SPATA17: variants seen among roughly 807,000 people sequenced by gnomAD.
SPATA17 encodes the protein spermatogenesis associated 17.
In SPATA17, 53 loss-of-function variants were observed where a neutral mutation model predicts 62.2. The ratio of observed to expected loss-of-function variants is 0.85; its 90% CI spans 0.68 to 1.07. The LOEUF is 1.07. Ranked by LOEUF, SPATA17 falls within the 50% of genes least tolerant of loss-of-function variation. The probability of loss-of-function intolerance (pLI) is 0.00; values close to 1 mark genes in which losing one functional copy is unlikely to be tolerated. For missense variants in SPATA17, 466 were observed against 425.5 expected (o/e 1.10, Z -0.84); for synonymous variants, 146 against 146.8 (o/e 0.99, Z 0.04).
rs550816350 is a variant in SPATA17, at chr1:217,771,928, A to C, written c.520-2406A>C. Reference sequence around the variant, plus strand: ...GGTAGGTAGATATTTTCAAATGATAAATTTTAATCTAGCTAAATTGTATGT... The same window carrying C: ...GGTAGGTAGATATTTTCAAATGATACATTTTAATCTAGCTAAATTGTATGT... On this transcript the variant is annotated intron_variant, in intron 6 of 10. Transcript: ENST00000366933. 2.0e-4 allele frequency among the ~76,000 whole-genome samples: 31 copies of C among 152,268 alleles called. 2 individuals carry two copies. The highest frequency in any genetic ancestry group is 3.4e-3 in the Middle Eastern group (1 of 294).
intron 3 of SPATA17, among the ~76,000 whole-genome samples, chr1:217,658,798 T>C: frequency 6.6e-6 from 1 of 151,972 alleles, no homozygotes; most frequent in South Asian, 2.1e-4. Context: ...AATAAATGAA[T>C]TAGTCTGTCT....
chr1:217,700,762 C>CTTTTTTTTTTTTTT (rs71556698), intron 5 of SPATA17, among the ~76,000 whole-genome samples: 2 of 134,816 alleles, frequency 1.5e-5, no homozygotes, highest in African/African-American at 2.8e-5. Flanking sequence ...TTTTCTTTTT[C>CTTTTTTTTTTTTTT]TTTTTTTTTT....
chr1:217,806,038 G>A (rs756991374), intron 9 of SPATA17, among the ~76,000 whole-genome samples: 5 of 152,122 alleles, frequency 3.3e-5, no homozygotes, highest in Non-Finnish European at 7.3e-5. Context: ...AACCAGACAA[G>A]TTACGTGCTT....
At chr1:217,780,189 T>C (rs1375711434) in intron 7 of SPATA17, among the ~76,000 whole-genome samples, 1 of 152,118 alleles carries the variant, frequency 6.6e-6, no homozygotes, top group East Asian at 1.9e-4. Context: ...GATGATTGCC[T>C]GATATCCAAA....
At chr1:217,780,757 G>T (rs1487001061) in intron 7 of SPATA17, among the ~76,000 whole-genome samples, 1 of 152,110 alleles carries the variant, frequency 6.6e-6, no homozygotes, top group Non-Finnish European at 1.5e-5. Context: ...GAACCATTTT[G>T]AGTGTTTACT....
chr1:217,689,255 T>C (rs1480144115), intron 5 of SPATA17, among the ~76,000 whole-genome samples: 2 of 131,272 alleles, frequency 1.5e-5, no homozygotes, highest in Admixed American at 1.8e-4. Context: ...AGACAGAGTC[T>C]CGCTCTGTCT....
chr1:217,704,455 T>A (rs1671687103), intron 5 of SPATA17, among the ~76,000 whole-genome samples: 1 of 150,806 alleles, frequency 6.6e-6, no homozygotes, highest in Non-Finnish European at 1.5e-5. Context: ...TTTCACCTTG[T>A]TAGCCAGGAT....
intron 9 of SPATA17, among the ~76,000 whole-genome samples, chr1:217,835,887 A>C (rs1238743838): frequency 2.0e-5 from 3 of 152,040 alleles, no homozygotes; most frequent in African/African-American, 2.4e-5. Flanking sequence ...ATGTCTGACA[A>C]CCCATGGCTC....
chr1:217,795,667 G>A (rs1674118735), intron 8 of SPATA17, among the ~76,000 whole-genome samples: 1 of 151,774 alleles, frequency 6.6e-6, no homozygotes. Flanking sequence ...ACCGCCCCCA[G>A]TGACAAAAGT....
chr1:217,745,879 A>G lies in SPATA17; in HGVS notation c.519+3781A>G, dbSNP rs541679457. 7.9e-5 allele frequency among the ~76,000 whole-genome samples: 12 copies of G among 152,160 alleles called. No homozygotes were observed. In the East Asian group the frequency reaches 2.1e-3, roughly 27 times the overall value. On this transcript the variant is annotated intron_variant, in intron 6 of 10. Transcript: ENST00000366933. ...ATACTTACGATTTTGCTGATTTGCT[A>G]TTTTATTTTAATAAAAAATAACATA...
chr1:217,767,288 T>A (rs1279919888), intron 6 of SPATA17, among the ~76,000 whole-genome samples: 2 of 152,124 alleles, frequency 1.3e-5, no homozygotes, highest in African/African-American at 4.8e-5. Context: ...TTTCAAGATT[T>A]TTTCTTTACC....
chr1:217,653,477 T>A (rs1670367759), intron 3 of SPATA17, among the ~76,000 whole-genome samples: 1 of 152,200 alleles, frequency 6.6e-6, no homozygotes, highest in Admixed American at 6.5e-5. Context: ...ATTTCCTTCA[T>A]ATTGTCTATG....
At chr1:217,663,576 T>C (rs1670616781) in intron 3 of SPATA17, among the ~76,000 whole-genome samples, 1 of 152,210 alleles carries the variant, frequency 6.6e-6, no homozygotes, top group Non-Finnish European at 1.5e-5. Context: ...CTCAAAATTA[T>C]GAAATGTCGA....
intron 5 of SPATA17, among the ~76,000 whole-genome samples, chr1:217,697,320 A>C (rs1671481777): frequency 6.6e-6 from 1 of 152,106 alleles, no homozygotes; most frequent in Admixed American, 6.6e-5. Context: ...TCCTTGCAAG[A>C]TTTTCATCAC....
chr1:217,709,048 C>A (rs1288525972), intron 5 of SPATA17, among the ~76,000 whole-genome samples: 1 of 152,064 alleles, frequency 6.6e-6, no homozygotes, highest in African/African-American at 2.4e-5. Flanking sequence ...AAAATAAGAG[C>A]CATCTATGAC....
chr1:217,709,903 T>C (rs529491516), intron 5 of SPATA17, among the ~76,000 whole-genome samples: 3 of 152,328 alleles, frequency 2.0e-5, no homozygotes, highest in African/African-American at 7.2e-5. Context: ...TAATTACTTA[T>C]ACCAGCAACA....
chr1:217,669,696 T>C (rs570021419), intron 4 of SPATA17, among the ~76,000 whole-genome samples: 44 of 152,222 alleles, frequency 2.9e-4, no homozygotes, highest in African/African-American at 1.1e-3. Flanking sequence ...AATGGAGAAA[T>C]TTCTTAAGTG....
chr1:217,749,979 C>CTA lies in SPATA17; in HGVS notation c.519+7882_519+7883insAT, dbSNP rs1421804013. On this transcript the variant is annotated intron_variant, in intron 6 of 10. Transcript: ENST00000366933. ...TCTCTCTCTCTCTCTCTCTCTCTCT[C>CTA]TCTCTCTATATATATATATATATAT... 8.6e-3 allele frequency among the ~76,000 whole-genome samples: 266 copies of CTA among 30,762 alleles called. 1 individual carries two copies. Among genetic ancestry groups the CTA allele is most frequent in the Non-Finnish European group, 0.011 (165 of 14,872 alleles). 20.2% of individuals were successfully genotyped at this position (30,762 alleles called of 152,430 possible).
At chr1:217,661,175 A>C (rs1177880980) in intron 3 of SPATA17, among the ~76,000 whole-genome samples, 2 of 152,152 alleles carry the variant, frequency 1.3e-5, no homozygotes, top group Non-Finnish European at 2.9e-5. Context: ...TGAACAGTAC[A>C]GAATGGTGTC....
Sources: gnomAD v4.1 joint callset for allele counts (sites outside exome capture counted in the v4.1 genomes callset) on GRCh38, gnomAD v4.1.1 for gene constraint, MANE v1.5 for transcripts, NCBI Gene and HGNC (gene_info 2026-07-23, HGNC 2026-07-21) for gene names.